Variants in MCC observed in about 807,000 individuals in gnomAD.
MCC encodes the protein MCC regulator of Wnt signaling pathway.
In MCC, 90 loss-of-function variants were observed where a neutral mutation model predicts 116.2. That is an observed-to-expected ratio of 0.77 (90% CI 0.65 to 0.92). MCC has a LOEUF of 0.92. Among genes scored for constraint, MCC ranks in the 40% least tolerant of loss-of-function variants. MCC has a pLI of 0.00. For synonymous variants in MCC, 578 were observed against 510.5 expected (o/e 1.13, Z -1.78); for missense variants, 1,516 against 1,312.2 (o/e 1.16, Z -2.40).
chr5:113,411,983 T>C (rs1375836642), intron 1 of MCC, among the ~76,000 whole-genome samples: 2 of 152,254 alleles, frequency 1.3e-5, no homozygotes, highest in Non-Finnish European at 2.9e-5. Flanking sequence ...TTCAGCTTTC[T>C]ACATATGGCT....
intron 3 of MCC, among the ~76,000 whole-genome samples, chr5:113,236,102 T>C (rs1764119698): frequency 2.0e-5 from 3 of 152,308 alleles, no homozygotes; most frequent in African/African-American, 4.8e-5. Context: ...AAATGCTGGC[T>C]GCAAGATCCT....
intron 3 of MCC, among the ~76,000 whole-genome samples, chr5:113,161,620 A>ATGTGTGTGTGTGTGTGTG (rs57962617): frequency 3.4e-5 from 5 of 148,336 alleles, no homozygotes; most frequent in African/African-American, 1.3e-4. Context: ...GTTTAGATTT[A>ATGTGTGTGTGTGTGTGTG]TGTGTGTGTG....
chr5:113,165,318 A>C (rs1430128706), intron 3 of MCC, among the ~76,000 whole-genome samples: 2 of 152,228 alleles, frequency 1.3e-5, no homozygotes, highest in Non-Finnish European at 2.9e-5. Context: ...ACAGGTATGC[A>C]ACAGCTCAAC....
chr5:113,194,429 C>T (rs1209177216), intron 3 of MCC, among the ~76,000 whole-genome samples: 2 of 152,134 alleles, frequency 1.3e-5, no homozygotes, highest in South Asian at 4.1e-4. Flanking sequence ...ATTTAGGAGG[C>T]CCAGGCAGGA....
chr5:113,197,807 G>A (rs1448858587), intron 3 of MCC, among the ~76,000 whole-genome samples: 1 of 152,240 alleles, frequency 6.6e-6, no homozygotes, highest in Non-Finnish European at 1.5e-5. Flanking sequence ...GGGGAACTGT[G>A]AAGCCAGGAC....
intron 17 of MCC, among the ~76,000 whole-genome samples, chr5:113,043,113 G>C (rs1751834556): frequency 6.6e-6 from 1 of 152,154 alleles, no homozygotes; most frequent in African/African-American, 2.4e-5. Flanking sequence ...TGAAATAATA[G>C]AGGAAAATTT....
At chr5:113,353,945 G>T (rs932452849) in intron 2 of MCC, among the ~76,000 whole-genome samples, 1 of 152,128 alleles carries the variant, frequency 6.6e-6, no homozygotes, top group Non-Finnish European at 1.5e-5. Context: ...TTCTTCAAAA[G>T]CTTACCACTG....
At chr5:113,396,340 A>G (rs919744351) in intron 1 of MCC, among the ~76,000 whole-genome samples, 1 of 152,118 alleles carries the variant, frequency 6.6e-6, no homozygotes, top group Non-Finnish European at 1.5e-5. Context: ...ACCAACAAAC[A>G]AAAAAACCGA....
chr5:113,210,742 A>C (rs978605809), intron 3 of MCC, among the ~76,000 whole-genome samples: 7 of 152,242 alleles, frequency 4.6e-5, no homozygotes, highest in Non-Finnish European at 7.3e-5. Flanking sequence ...AATTACATGA[A>C]CAATAATTTA....
At chr5:113,287,091 G>C (rs1251981940) in intron 3 of MCC, among the ~76,000 whole-genome samples, 1 of 152,174 alleles carries the variant, frequency 6.6e-6, no homozygotes, top group Non-Finnish European at 1.5e-5. Flanking sequence ...GGGGAGGAAA[G>C]AGGGTTCAAA....
At chr5:113,446,637 ACT>A (rs1040422252) in intron 1 of MCC, among the ~76,000 whole-genome samples, 6 of 152,204 alleles carry the variant, frequency 3.9e-5, no homozygotes, top group Non-Finnish European at 8.8e-5. Context: ...ATGCTAATGC[ACT>A]GTTAGTTCAG....
chr5:113,433,617 A>T, intron 1 of MCC: 1 of 1,261,858 alleles, frequency 7.9e-7, no homozygotes. Context: ...AGAGAGAAGA[A>T]GCTGATGAAA....
intron 17 of MCC, among the ~76,000 whole-genome samples, chr5:113,034,063 C>CTTTTTTTTTTT (rs35834150): frequency 7.3e-6 from 1 of 136,296 alleles, no homozygotes; most frequent in African/African-American, 2.7e-5. Context: ...ATTTTTAAAA[C>CTTTTTTTTTTT]TTTTTTTTTT....
At chr5:113,191,483 C>T (rs553408515) in intron 3 of MCC, among the ~76,000 whole-genome samples, 6 of 152,316 alleles carry the variant, frequency 3.9e-5, no homozygotes, top group African/African-American at 9.6e-5. Context: ...CACCTAGAAG[C>T]CTTCCTGCTG....
chr5:113,092,935 A>C (rs1755746296), intron 8 of MCC, among the ~76,000 whole-genome samples: 1 of 152,142 alleles, frequency 6.6e-6, no homozygotes, highest in South Asian at 2.1e-4. Context: ...TGGTCATGGG[A>C]AATGGGAAGC....
chr5:113,296,852 A>G (rs1409425279), intron 3 of MCC, among the ~76,000 whole-genome samples: 2 of 152,160 alleles, frequency 1.3e-5, no homozygotes, highest in Non-Finnish European at 2.9e-5. Flanking sequence ...GTGTTTAAAG[A>G]TACATATTTT....
At chr5:113,378,956 T>C (rs1462966559) in intron 2 of MCC, among the ~76,000 whole-genome samples, 2 of 152,236 alleles carry the variant, frequency 1.3e-5, no homozygotes, top group East Asian at 1.9e-4. Flanking sequence ...CAAGTAATTA[T>C]AATGAACCTA....
At chr5:113,086,329 T>G (rs907428302) in intron 8 of MCC, among the ~76,000 whole-genome samples, 4 of 117,894 alleles carry the variant, frequency 3.4e-5, no homozygotes, top group Non-Finnish European at 7.1e-5. Context: ...GGTGCTAGGA[T>G]GATATGCTAT....
chr5:113,395,912 G>T (rs73252719), intron 1 of MCC, among the ~76,000 whole-genome samples: 2,077 of 152,256 alleles, frequency 0.014, 55 homozygotes, highest in African/African-American at 0.047. Flanking sequence ...TGGGAAATGG[G>T]AGAGGGGAAG....
Sources: gnomAD v4.1 joint callset for allele counts (sites outside exome capture counted in the v4.1 genomes callset) on GRCh38, gnomAD v4.1.1 for gene constraint, MANE v1.5 for transcripts, NCBI Gene and HGNC (gene_info 2026-07-23, HGNC 2026-07-21) for gene names.